Variants in SMAD4 observed in about 807,000 individuals in gnomAD.
SMAD4 encodes the protein MAD homolog 4.
A neutral mutation model predicts 63.2 loss-of-function variants in SMAD4; 7 were observed. That is an observed-to-expected ratio of 0.11 (90% CI 0.06 to 0.21). The LOEUF (loss-of-function observed/expected upper bound fraction) is 0.21, where lower values mean the gene tolerates loss of function less well. Ranked by LOEUF, SMAD4 falls within the 10% of genes least tolerant of loss-of-function variation. The probability of loss-of-function intolerance (pLI) is 1.00; values close to 1 mark genes in which losing one functional copy is unlikely to be tolerated. For synonymous variants in SMAD4, 215 were observed against 235.4 expected (o/e 0.91, Z 0.79); for missense variants, 312 against 693.8 (o/e 0.45, Z 6.18).
chr18:51,034,019 T>A (rs1378838280), intron 1 of SMAD4, among the ~76,000 whole-genome samples: 2 of 152,206 alleles, frequency 1.3e-5, no homozygotes, highest in African/African-American at 2.4e-5. Context: ...TCTGTTAACA[T>A]TTTAATCAGT....
chr18:51,057,688 A>G (rs1006913371), intron 5 of SMAD4, among the ~76,000 whole-genome samples: 1 of 152,208 alleles, frequency 6.6e-6, no homozygotes, highest in Non-Finnish European at 1.5e-5. Flanking sequence ...CATTACTAGT[A>G]TCAGTGCTGA....
chr18:51,048,624 A>G, intron 2 of SMAD4, 62 bp from the exon 3 acceptor site: 2 of 1,415,478 alleles, frequency 1.4e-6, no homozygotes, highest in Non-Finnish European at 2.0e-6. Flanking sequence ...GGATTAAATC[A>G]GAATATATAA....
intron 7 of SMAD4, among the ~76,000 whole-genome samples, chr18:51,059,169 A>G (rs1178140005): frequency 3.3e-5 from 5 of 152,132 alleles, no homozygotes; most frequent in African/African-American, 1.2e-4. Flanking sequence ...CTCCTACTCT[A>G]TGTGTATTGT....
At chr18:51,040,187 G>T (rs1418479424) in intron 1 of SMAD4, among the ~76,000 whole-genome samples, 3 of 152,088 alleles carry the variant, frequency 2.0e-5, no homozygotes, top group Non-Finnish European at 4.4e-5. Flanking sequence ...AGCACTTTGG[G>T]AGGCCAAGGC....
At chr18:51,040,719 G>A (rs920270789) in intron 1 of SMAD4, among the ~76,000 whole-genome samples, 9 of 152,156 alleles carry the variant, frequency 5.9e-5, no homozygotes, top group Non-Finnish European at 1.0e-4. Flanking sequence ...TATGGTCAAC[G>A]TCAGGTGACA....
chr18:51,035,381 C>G (rs1459861921), intron 1 of SMAD4, among the ~76,000 whole-genome samples: 1 of 152,138 alleles, frequency 6.6e-6, no homozygotes, highest in South Asian at 2.1e-4. Flanking sequence ...AAGTTAGCAT[C>G]TGAACTCCCT....
At chr18:51,057,425 C>T (rs1479571011) in intron 5 of SMAD4, among the ~76,000 whole-genome samples, 2 of 152,074 alleles carry the variant, frequency 1.3e-5, no homozygotes, top group African/African-American at 4.8e-5. Flanking sequence ...ATATTACATA[C>T]AGAGAGGGCA....
intron 4 of SMAD4, chr18:51,053,324 A>G (rs1909758041): frequency 6.6e-6 from 1 of 152,186 alleles, no homozygotes; most frequent in African/African-American, 2.4e-5. Flanking sequence ...GAAGAAAATC[A>G]TTGAACTTTG....
At position 51,082,022 on chromosome 18, in the gene SMAD4, C is replaced by A. The variant is rs1395100203; in HGVS notation, c.*3555C>A. On this transcript the variant is annotated 3_prime_UTR_variant, in exon 12 of 12. Transcript: ENST00000342988. ...AAGCAGTTTTATTCTCTGAGTGGAA[C>A]AGAGTTCTTTTTGTTGATAATTTCT... The A allele has an allele frequency of 8.6e-6, 2 of 231,446 alleles. No homozygotes were observed. The highest frequency in any genetic ancestry group is 4.4e-5 in the African/African-American group (2 of 45,254). The allele number at this position is 231,446 out of a possible 1,614,324, so 14.3% of individuals were successfully genotyped here. A position where few individuals can be genotyped will look rare whatever the true frequency, so the allele number is the denominator to read the frequency against.
chr18:51,051,462 A>G (rs1374258777), intron 4 of SMAD4: 1 of 451,668 alleles, frequency 2.2e-6, no homozygotes, highest in Non-Finnish European at 4.4e-6. Flanking sequence ...TTTTTGAGTT[A>G]AAGTCTTGTG....
intron 1 of SMAD4, among the ~76,000 whole-genome samples, chr18:51,036,885 C>T (rs940130951): frequency 7.2e-5 from 11 of 152,160 alleles, no homozygotes; most frequent in Admixed American, 3.9e-4. Flanking sequence ...AGGCCGGGTG[C>T]GGTGACTCAC....
At chr18:51,058,033 A>G (rs1909887272) in intron 5 of SMAD4, 92 bp from the exon 6 acceptor site, 1 of 1,450,616 alleles carries the variant, frequency 6.9e-7, no homozygotes, top group Non-Finnish European at 9.7e-7. Flanking sequence ...ATAGTTGTGC[A>G]TTATCAGATA....
rs913128772 is a variant in SMAD4, at chr18:51,079,919, T to A, written c.*1452T>A. The A allele has an allele frequency of 4.3e-6, 1 of 232,426 alleles. No individual in the cohort carries two copies. The highest frequency in any genetic ancestry group is 8.5e-6 in the Non-Finnish European group (1 of 117,716). 14.4% of individuals were successfully genotyped at this position (232,426 alleles called of 1,614,324 possible). On this transcript the variant is annotated 3_prime_UTR_variant, in exon 12 of 12. Transcript: ENST00000342988. ...GCAGCTTTGTTTTTTTCCCTCACAC[T>A]CTACCGGGACTTCCCCATGGACATT...
At chr18:51,032,780 C>T (rs1032911325) in intron 1 of SMAD4, among the ~76,000 whole-genome samples, 1 of 152,132 alleles carries the variant, frequency 6.6e-6, no homozygotes. Flanking sequence ...GTTAACCCTA[C>T]AGAATCTGTA....
At chr18:51,059,044 G>A (rs1048381880) in intron 7 of SMAD4, among the ~76,000 whole-genome samples, 8 of 152,016 alleles carry the variant, frequency 5.3e-5, no homozygotes, top group African/African-American at 1.9e-4. Flanking sequence ...ATATAGAAAA[G>A]TATAAATAAG....
intron 2 of SMAD4, among the ~76,000 whole-genome samples, chr18:51,047,880 A>G (rs561193032): frequency 1.3e-5 from 2 of 152,304 alleles, no homozygotes; most frequent in Admixed American, 1.3e-4. Context: ...GAATTCTGGC[A>G]TTACAGGCGT....
At chr18:51,044,084 A>G (rs1203917853) in intron 1 of SMAD4, among the ~76,000 whole-genome samples, 2 of 152,380 alleles carry the variant, frequency 1.3e-5, no homozygotes, top group Non-Finnish European at 1.5e-5. Flanking sequence ...CATGTAATTT[A>G]CAATTAAATT....
chr18:51,067,762 G>A (rs1910204276), intron 10 of SMAD4, among the ~76,000 whole-genome samples: 1 of 152,110 alleles, frequency 6.6e-6, no homozygotes, highest in South Asian at 2.1e-4. Flanking sequence ...ACTGAGTGAA[G>A]CCTCCAAAGT....
chr18:51,083,309 T>TG lies in SMAD4; in HGVS notation c.*4843dup, dbSNP rs1910654197. On this transcript the variant is annotated 3_prime_UTR_variant, in exon 12 of 12. Transcript: ENST00000342988. The stretch of plus-strand genomic sequence containing the variant: ...AAGCCCTGCCTTCTGGCCTTACTCC[T>TG]GTACAGATATTTTTGACCTATAGGT... 1 of 227,732 alleles carries TG rather than the reference T, an allele frequency of 4.4e-6. No homozygotes were observed. Among genetic ancestry groups the TG allele is most frequent in the African/African-American group, 2.2e-5 (1 of 45,058 alleles). The allele number at this position is 227,732 out of a possible 1,614,324, so 14.1% of individuals were successfully genotyped here.
Sources: allele counts gnomAD v4.1 joint callset (sites outside exome capture counted in the v4.1 genomes callset), GRCh38; gene constraint gnomAD v4.1.1; transcripts MANE v1.5; gene names NCBI Gene and HGNC (gene_info 2026-07-23, HGNC 2026-07-21).